SGMS1: variants seen among roughly 807,000 people sequenced by gnomAD.
The protein encoded by SGMS1 is sphingomyelin synthase 1.
In SGMS1, 13 loss-of-function variants were observed where a neutral mutation model predicts 46.2. That is an observed-to-expected ratio of 0.28 (90% CI 0.18 to 0.45). SGMS1 has a LOEUF of 0.45. Among genes scored for constraint, SGMS1 ranks in the 20% least tolerant of loss-of-function variants. SGMS1 has a pLI of 1.00. For missense variants in SGMS1, 324 were observed against 519.9 expected, an observed-to-expected ratio of 0.62 and a Z score of 3.66; for synonymous variants, 203 against 187.8, an observed-to-expected ratio of 1.08 and a Z score of -0.66.
chr10:50,411,324 C>A (rs16934373), intron 6 of SGMS1, among the ~76,000 whole-genome samples: 4,786 of 152,298 alleles, frequency 0.031, 239 homozygotes, highest in African/African-American at 0.11. Context: ...TGACTTAAAT[C>A]TGTTTGTTCC....
rs67951872 is a variant in SGMS1 at position 50,365,255 on chromosome 10, C to CAAAAAAAAAAA, written c.-231-20921_-231-20911dup. Among the ~76,000 whole-genome samples the CAAAAAAAAAAA allele has an allele frequency of 4.3e-3, 193 of 45,028 alleles. 23 individuals carry two copies. Among genetic ancestry groups the CAAAAAAAAAAA allele is most frequent in the Non-Finnish European group, 7.6e-3 (178 of 23,376 alleles). 29.5% of individuals were successfully genotyped at this position (45,028 alleles called of 152,430 possible). A position where few individuals can be genotyped will look rare whatever the true frequency, so the allele number is the denominator to read the frequency against. On this transcript the variant is annotated intron_variant, in intron 6 of 10. Coordinates refer to ENST00000361781, the MANE Select transcript of SGMS1 (RefSeq NM_147156.4). ...GCGACGGAGTGAGACTCCATCTCAC[C>CAAAAAAAAAAA]AAAAAAAAAAAAAAAAAAAAAAAGC...
At chr10:50,587,633 A>ATGTGTGTG (rs35240090) in intron 2 of SGMS1, among the ~76,000 whole-genome samples, 4,225 of 137,784 alleles carry the variant, frequency 0.031, 87 homozygotes, top group Middle Eastern at 0.053. Context: ...CAAAATATAT[A>ATGTGTGTG]TGTGTGTGTG....
chr10:50,456,215 T>C (rs895700025), intron 5 of SGMS1, among the ~76,000 whole-genome samples: 4 of 152,098 alleles, frequency 2.6e-5, no homozygotes, highest in Non-Finnish European at 4.4e-5. Context: ...CAAAAATTTG[T>C]GGAAATTCAA....
intron 6 of SGMS1, among the ~76,000 whole-genome samples, chr10:50,364,722 T>C (rs1234007349): frequency 6.6e-6 from 1 of 152,236 alleles, no homozygotes; most frequent in African/African-American, 2.4e-5. Context: ...CCAGCTTTTC[T>C]AAGGCAATTC....
At chr10:50,447,999 G>C (rs959945185) in intron 5 of SGMS1, among the ~76,000 whole-genome samples, 3 of 152,212 alleles carry the variant, frequency 2.0e-5, no homozygotes, top group Non-Finnish European at 4.4e-5. Flanking sequence ...AGGCTAGTCA[G>C]GAACTGTAGT....
In SGMS1 at chr10:50,452,544, A is replaced by G. The variant is rs1392778967; in HGVS notation, c.-313+8129T>C. ...GTATAAAATCTCTGTAAATGCGCCA[A>G]TGAGGTGACAATAAAGTAGGACATT... On this transcript the variant is annotated intron_variant, in intron 5 of 10. Transcript: ENST00000361781. Among the ~76,000 whole-genome samples the G allele has an allele frequency of 2.6e-5, 4 of 152,316 alleles. No homozygotes were observed. The South Asian group carries it at 6.2e-4, about 24-fold the overall frequency.
chr10:50,358,831 T>C (rs866129141), intron 6 of SGMS1, among the ~76,000 whole-genome samples: 16 of 152,252 alleles, frequency 1.1e-4, no homozygotes, highest in African/African-American at 3.9e-4. Flanking sequence ...AGGTATAGAT[T>C]TGTTATTTAG....
chr10:50,544,802 A>G (rs1445942624), intron 2 of SGMS1, among the ~76,000 whole-genome samples: 2 of 152,180 alleles, frequency 1.3e-5, no homozygotes, highest in Non-Finnish European at 2.9e-5. Flanking sequence ...ACTCGGTCCC[A>G]ACATGCCATG....
chr10:50,622,434 T>TCACAG (rs1326756372), intron 1 of SGMS1, among the ~76,000 whole-genome samples: 14 of 152,064 alleles, frequency 9.2e-5, no homozygotes, highest in East Asian at 3.9e-4. Flanking sequence ...CGTGGGGAGT[T>TCACAG]CACAGCACAG....
chr10:50,434,960 A>T (rs1319250618), intron 5 of SGMS1, among the ~76,000 whole-genome samples: 1 of 152,148 alleles, frequency 6.6e-6, no homozygotes, highest in African/African-American at 2.4e-5. Flanking sequence ...CTAATAATAA[A>T]GAAAGAACTT....
chr10:50,444,090 C>T (rs1039151270), intron 5 of SGMS1, among the ~76,000 whole-genome samples: 1 of 151,876 alleles, frequency 6.6e-6, no homozygotes, highest in Non-Finnish European at 1.5e-5. Context: ...AAGGATAAGA[C>T]ATATAGGAAA....
chr10:50,338,081 T>C (rs1301662519), intron 7 of SGMS1, among the ~76,000 whole-genome samples: 1 of 152,098 alleles, frequency 6.6e-6, no homozygotes, highest in Non-Finnish European at 1.5e-5. Context: ...CCAAGCAGGA[T>C]CTGTGGTCAT....
At chr10:50,319,585 T>C (rs1847406677) in intron 8 of SGMS1, among the ~76,000 whole-genome samples, 1 of 152,196 alleles carries the variant, frequency 6.6e-6, no homozygotes, top group Non-Finnish European at 1.5e-5. Context: ...TTTGTCAGTC[T>C]TTTTTTCCCC....
chr10:50,602,908 T>C (rs1474355972), intron 1 of SGMS1, among the ~76,000 whole-genome samples: 2 of 152,224 alleles, frequency 1.3e-5, no homozygotes, highest in East Asian at 3.8e-4. Context: ...AGTGATCTAT[T>C]TTGTTTTTAA....
rs574373939 is a variant in SGMS1 at position 50,530,467 on chromosome 10, C to T, written c.-588-10546G>A. On this transcript the variant is annotated intron_variant, in intron 2 of 10. Transcript: ENST00000361781. ...GGAAAACATATAAAAGGGCTTTCCA[C>T]CGAAGTACTGAGAAGCAGAATCTTC... Among the ~76,000 whole-genome samples the T allele has an allele frequency of 2.0e-5, 3 of 152,302 alleles. No homozygotes were observed. The South Asian group carries it at 6.2e-4, about 32-fold the overall frequency.
intron 6 of SGMS1, among the ~76,000 whole-genome samples, chr10:50,376,973 G>A (rs1848531281): frequency 6.6e-6 from 1 of 152,168 alleles, no homozygotes; most frequent in Middle Eastern, 3.2e-3. Context: ...ATTAGACTAA[G>A]AAAGGCAGTA....
At chr10:50,400,778 A>G (rs143402297) in intron 6 of SGMS1, among the ~76,000 whole-genome samples, 2 of 152,292 alleles carry the variant, frequency 1.3e-5, no homozygotes, top group African/African-American at 4.8e-5. Context: ...TACCTGTTCA[A>G]TATCAGTATG....
intron 7 of SGMS1, among the ~76,000 whole-genome samples, chr10:50,333,858 T>C (rs538351321): frequency 1.3e-5 from 2 of 152,368 alleles, no homozygotes; most frequent in Admixed American, 6.5e-5. Flanking sequence ...TCTGTACATA[T>C]ACTATGTGTT....
In SGMS1 at chr10:50,448,757, A is replaced by AAAAT. The variant is rs1554940079; in HGVS notation, c.-313+11915_-313+11916insATTT. Among the ~76,000 whole-genome samples the AAAAT allele has an allele frequency of 5.0e-4, 71 of 140,718 alleles. 3 individuals carry two copies. The highest frequency in any genetic ancestry group is 6.6e-4 in the Non-Finnish European group (43 of 65,600). 92.3% of individuals were successfully genotyped at this position (140,718 alleles called of 152,430 possible). On this transcript the variant is annotated intron_variant, in intron 5 of 10. Transcript: ENST00000361781. ...GAAACTCCGCCAAAAAAAAAAAAAA[A>AAAAT]AAAAGAATGAAAAGACATATACACA...
Sources: gnomAD v4.1 joint callset for allele counts (sites outside exome capture counted in the v4.1 genomes callset) on GRCh38, gnomAD v4.1.1 for gene constraint, MANE v1.5 for transcripts, NCBI Gene and HGNC (gene_info 2026-07-23, HGNC 2026-07-21) for gene names.